The following BSG variants were observed in gnomAD, a reference collection of about 807,000 sequenced individuals.
The protein encoded by BSG is basigin (Ok blood group).
In BSG, 37 loss-of-function variants were observed where a neutral mutation model predicts 43.1. The observed-to-expected ratio is 0.86, with a 90% CI of 0.66 to 1.13. The LOEUF is 1.13. Ranked by LOEUF, BSG falls within the 50% of genes most tolerant of loss-of-function variation. The pLI, the probability that BSG is intolerant of heterozygous loss-of-function variation, is 0.00. For synonymous variants in BSG, 309 were observed against 238.7 expected (o/e 1.29, Z -2.72); for missense variants, 599 against 554.2 (o/e 1.08, Z -0.81).
intron 2 of BSG, 106 bp downstream of exon 2, chr19:578,227 C>T: frequency 1.7e-6 from 2 of 1,192,248 alleles, no homozygotes; most frequent in South Asian, 1.7e-5. Context: ...CCCTCTCCGT[C>T]CCGCTGTGCC....
rs1398874839 is a variant in BSG, at chr19:583,019, C to CGGGTG, written c.*278_*282dup. The CGGGTG allele has an allele frequency of 5.4e-6, 1 of 185,250 alleles. No homozygotes were observed. Among genetic ancestry groups the CGGGTG allele is most frequent in the Non-Finnish European group, 1.1e-5 (1 of 87,576 alleles). 11.5% of individuals were successfully genotyped at this position (185,250 alleles called of 1,614,324 possible). A position where few individuals can be genotyped will look rare whatever the true frequency, so the allele number is the denominator to read the frequency against. On this transcript the variant is annotated 3_prime_UTR_variant, in exon 9 of 9. Coordinates refer to ENST00000333511, the MANE Select transcript of BSG (RefSeq NM_001728.4). ...TCAGCCTCTGGGTCTGAGTCATGGCCGGGTGGGCGGCACAGCCTTCTCCAC... is the reference window on the plus strand; with the variant it reads ...TCAGCCTCTGGGTCTGAGTCATGGCCGGGTGGGGTGGGCGGCACAGCCTTCTCCAC...
intron 8 of BSG, 79 bp from the exon 9 acceptor site, chr19:582,671 A>G: frequency 7.3e-7 from 1 of 1,378,112 alleles, no homozygotes; most frequent in Non-Finnish European, 9.9e-7. Context: ...GGGATCTGCT[A>G]GCCAGGTGTG....
chr19:572,580 CGCGGGCG>C (rs1981344422), upstream of BSG: 2 of 1,435,830 alleles, frequency 1.4e-6, no homozygotes, highest in Non-Finnish European at 1.8e-6. Flanking sequence ...TTATAGCGGC[CGCGGGCG>C]GCGGCGGCAG....
At position 577,907 on chromosome 19, in the gene BSG, C is replaced by G. The variant is rs1368107230; in HGVS notation, c.201C>G (p.Cys67Trp). Reference sequence around the variant, plus strand: ...AAGGGCAGGGTCCCAACGACACCTGCTCCCAGCTCTGGGACGGCGCCCGGC... The same window carrying G: ...AAGGGCAGGGTCCCAACGACACCTGGTCCCAGCTCTGGGACGGCGCCCGGC... ...WFEGQGPNDT[C>W]SQLWDGARLD... Residue 67 changes from cysteine (C) to tryptophan (W), a missense_variant, in exon 2 of 9, where the codon TGC (cysteine) becomes TGG (tryptophan). Transcript: ENST00000333511. The G allele has an allele frequency of 5.6e-6, 9 of 1,599,572 alleles. No homozygotes were observed. In the Admixed American group the frequency reaches 1.5e-4, roughly 27 times the overall value.
intron 3 of BSG, chr19:580,107 C>T (rs1982151106): frequency 2.1e-6 from 1 of 482,220 alleles, no homozygotes; most frequent in African/African-American, 2.0e-5. Context: ...GGAAGACGGT[C>T]ACAGGGTGTG....
At chr19:579,318 TC>T in intron 2 of BSG, 181 bp from the exon 3 acceptor site, 1 of 838,432 alleles carries the variant, frequency 1.2e-6, no homozygotes, top group Non-Finnish European at 1.9e-6. Context: ...GCTCTTCCCT[TC>T]CCGGAGGCGT....
intron 1 of BSG, 57 bp downstream of exon 1, chr19:572,758 G>T: frequency 7.3e-7 from 1 of 1,373,280 alleles, no homozygotes; most frequent in Non-Finnish European, 9.5e-7. Flanking sequence ...AATGGAGGCC[G>T]CGGTGCCGAC....
At chr19:576,754 A>G (rs538891893) in intron 1 of BSG, among the ~76,000 whole-genome samples, 1 of 140,632 alleles carries the variant, frequency 7.1e-6, no homozygotes, top group Non-Finnish European at 1.5e-5. Context: ...GTCTCAAAAA[A>G]AAAAAAAAGA....
intron 1 of BSG, among the ~76,000 whole-genome samples, chr19:573,527 G>GTGTTCTCCCAGA (rs2145885463): frequency 6.6e-6 from 1 of 152,324 alleles, no homozygotes; most frequent in South Asian, 2.1e-4. Flanking sequence ...CTGCCCCCGG[G>GTGTTCTCCCAGA]TGTTCTCCCA....
chr19:580,616 C>T (rs1411251692), intron 4 of BSG, 30 bp from the exon 5 acceptor site: 2 of 1,612,168 alleles, frequency 1.2e-6, no homozygotes, highest in South Asian at 2.2e-5. Context: ...GCCTGCGGTT[C>T]CAGGCTCCTC....
At chr19:571,689 CACTTT>C (rs1200876821), upstream of BSG, 2 of 733,284 alleles carry the variant, frequency 2.7e-6, no homozygotes, top group Admixed American at 1.9e-5. Flanking sequence ...TCAGCGAGAC[CACTTT>C]ACTTGTACGG....
chr19:580,312 G>C (rs972257647), intron 3 of BSG, 67 bp from the exon 4 acceptor site: 45 of 1,464,452 alleles, frequency 3.1e-5, no homozygotes, highest in Middle Eastern at 1.7e-4. Flanking sequence ...GGCCCCTGGA[G>C]AACCCTGGGT....
At chr19:577,420 C>CAG (rs112210807) in intron 1 of BSG, among the ~76,000 whole-genome samples, 28 of 152,264 alleles carry the variant, frequency 1.8e-4, no homozygotes, top group Middle Eastern at 6.8e-3. Context: ...GGGTATCGGG[C>CAG]AGAAGTCAGA....
At chr19:572,315 T>C (rs764085733), upstream of BSG, 34 of 928,796 alleles carry the variant, frequency 3.7e-5, no homozygotes, top group Non-Finnish European at 4.2e-5. Flanking sequence ...TCTGCGCTCA[T>C]TGCAACTTTG....
intron 1 of BSG, among the ~76,000 whole-genome samples, chr19:575,649 G>T (rs928154365): frequency 1.3e-5 from 2 of 151,690 alleles, no homozygotes; most frequent in Non-Finnish European, 2.9e-5. Flanking sequence ...CTTATCCTGC[G>T]GGGCTGCTTG....
chr19:578,607 T>C (rs748895520), intron 2 of BSG, among the ~76,000 whole-genome samples: 1 of 152,218 alleles, frequency 6.6e-6, no homozygotes, highest in Non-Finnish European at 1.5e-5. Context: ...TGGTTGGGGA[T>C]TGGCAGAAGA....
At chr19:572,787 TG>T (rs1981381934) in intron 1 of BSG, 86 bp downstream of exon 1, 2 of 1,287,584 alleles carry the variant, frequency 1.6e-6, no homozygotes, top group South Asian at 2.2e-5. Flanking sequence ...GACGGGAGCC[TG>T]GGGCCTCGGC....
In BSG at chr19:579,639, C is replaced by G; in HGVS notation, c.555C>G (p.Gly185=). The G allele has an allele frequency of 6.2e-7, 1 of 1,610,010 alleles. No individual in the cohort carries two copies. The highest frequency in any genetic ancestry group is 8.5e-7 in the Non-Finnish European group (1 of 1,178,534). Residue 185 remains glycine (G), a synonymous_variant, in exon 3 of 9, where the codon GGC becomes GGG. Coordinates refer to ENST00000333511, the MANE Select transcript of BSG (RefSeq NM_001728.4). ...GVVLKEDALP[G]QKTEFKVDSD... The stretch of plus-strand genomic sequence containing the variant: ...TGCTGAAGGAGGACGCGCTGCCCGG[C>G]CAGAAAACGGAGTTCAAGTGAGTGC...
chr19:578,593 T>C (rs1483336349), intron 2 of BSG, among the ~76,000 whole-genome samples: 1 of 152,250 alleles, frequency 6.6e-6, no homozygotes, highest in Non-Finnish European at 1.5e-5. Flanking sequence ...CCAAGAGATT[T>C]GCTTGGTTGG....
Sources: gnomAD v4.1 joint callset for allele counts (sites outside exome capture counted in the v4.1 genomes callset) on GRCh38, gnomAD v4.1.1 for gene constraint, MANE v1.5 for transcripts, NCBI Gene and HGNC (gene_info 2026-07-23, HGNC 2026-07-21) for gene names.